Variants in RSPO4 observed in about 807,000 individuals in gnomAD.
The protein encoded by RSPO4 is R-spondin 4, also known as R-spondin-4.
Under a neutral mutation model 24.8 loss-of-function variants are expected in RSPO4, and 23 were observed. The observed-to-expected ratio is 0.93, with a 90% confidence interval of 0.67 to 1.31. The LOEUF (loss-of-function observed/expected upper bound fraction) is 1.31. Among genes scored for constraint, RSPO4 ranks in the 40% most tolerant of loss-of-function variants. RSPO4 has a pLI of 0.00. For synonymous variants in RSPO4, 141 were observed against 127.4 expected (o/e 1.11, Z -0.72); for missense variants, 333 against 316.5 (o/e 1.05, Z -0.39).
chr20:969,911 C>T (rs1374473580), intron 1 of RSPO4, among the ~76,000 whole-genome samples: 7 of 152,142 alleles, frequency 4.6e-5, no homozygotes, highest in Non-Finnish European at 8.8e-5. Flanking sequence ...CACCTTGATT[C>T]ACCTGAGCCC....
chr20:959,962 T>TA lies in RSPO4; in HGVS notation c.*394dup. On this transcript the variant is annotated 3_prime_UTR_variant, in exon 5 of 5. Transcript: ENST00000217260. ...ATGTTTGCTTTCTTTAAGTTGTAGA[T>TA]AGAGAAAGCTGCAGGGGAGGGCACA... The TA allele has an allele frequency of 4.7e-6, 1 of 213,888 alleles. No homozygotes were observed. Among genetic ancestry groups the TA allele is most frequent in the Non-Finnish European group, 9.4e-6 (1 of 106,536 alleles). 13.2% of individuals were successfully genotyped at this position (213,888 alleles called of 1,614,324 possible). A position where few individuals can be genotyped will look rare whatever the true frequency, so the allele number is the denominator to read the frequency against.
intron 1 of RSPO4, among the ~76,000 whole-genome samples, chr20:975,271 T>C (rs1984527090): frequency 6.6e-6 from 1 of 152,138 alleles, no homozygotes. Context: ...CCTGGGTCCT[T>C]CTACACATCT....
chr20:962,347 C>T (rs1984025976), intron 4 of RSPO4, among the ~76,000 whole-genome samples: 1 of 152,224 alleles, frequency 6.6e-6, no homozygotes, highest in African/African-American at 2.4e-5. Context: ...GGGGTTGTTG[C>T]GAGGATTAGA....
At chr20:979,081 C>T (rs1004201132) in intron 1 of RSPO4, among the ~76,000 whole-genome samples, 3 of 152,156 alleles carry the variant, frequency 2.0e-5, no homozygotes. Context: ...CTCTCTCCCT[C>T]ATATCCTACT....
chr20:982,974 G>A (rs756216862), intron 1 of RSPO4, among the ~76,000 whole-genome samples: 4 of 152,186 alleles, frequency 2.6e-5, no homozygotes, highest in Non-Finnish European at 4.4e-5. Flanking sequence ...TGGGGGCAAC[G>A]CCCACCGCTA....
At chr20:969,797 CAGGAA>C (rs1984352047) in intron 1 of RSPO4, among the ~76,000 whole-genome samples, 1 of 151,998 alleles carries the variant, frequency 6.6e-6, no homozygotes, top group South Asian at 2.1e-4. Flanking sequence ...CACTAAGTGA[CAGGAA>C]AGGATAGGGC....
chr20:967,400 G>A, intron 2 of RSPO4, 86 bp from the exon 3 acceptor site: 3 of 1,423,812 alleles, frequency 2.1e-6, no homozygotes, highest in South Asian at 2.3e-5. Context: ...AGGCCCTCTG[G>A]GTAGCTCCAG....
At chr20:995,131 C>T (rs1985234440) in intron 1 of RSPO4, among the ~76,000 whole-genome samples, 1 of 152,242 alleles carries the variant, frequency 6.6e-6, no homozygotes, top group African/African-American at 2.4e-5. Flanking sequence ...AAAGGTCTCA[C>T]TTGGCCTTTT....
intron 1 of RSPO4, among the ~76,000 whole-genome samples, chr20:973,345 C>T (rs1284934349): frequency 1.3e-5 from 2 of 152,068 alleles, no homozygotes; most frequent in Non-Finnish European, 2.9e-5. Flanking sequence ...TGCAGTTTCA[C>T]TGGGGACACT....
At chr20:983,500 G>C (rs1414502869) in intron 1 of RSPO4, among the ~76,000 whole-genome samples, 2 of 152,172 alleles carry the variant, frequency 1.3e-5, no homozygotes, top group African/African-American at 4.8e-5. Context: ...CCTACTTCTA[G>C]AGGCAGCCTC....
chr20:1,001,988 A>C lies in RSPO4; in HGVS notation c.79+98T>G. 4.0e-6 allele frequency: 4 copies of C among 1,000,042 alleles called. 1 individual carries two copies. The highest frequency in any genetic ancestry group is 2.5e-4 in the Middle Eastern group (1 of 3,988). The allele number at this position is 1,000,042 out of a possible 1,614,324, so 61.9% of individuals were successfully genotyped here. A position where few individuals can be genotyped will look rare whatever the true frequency, so the allele number is the denominator to read the frequency against. ...GAGCGAAGGACCCAGGGCGCCAGGC[A>C]CCAGGCAGATGCCCCCAGAGCCGCC... On this transcript the variant is annotated intron_variant, in intron 1 of 4. Coordinates refer to ENST00000217260, the MANE Select transcript of RSPO4 (RefSeq NM_001029871.4).
In RSPO4 at chr20:958,858, AC is replaced by A. The variant is rs922200433; in HGVS notation, c.*1498del. On this transcript the variant is annotated 3_prime_UTR_variant, in exon 5 of 5. Coordinates refer to ENST00000217260, the MANE Select transcript of RSPO4 (RefSeq NM_001029871.4). ...ATTCCTGTCCCAGTCACGGAGCCCT[AC>A]GTGTTCAGGCCAACCAGTCACGGCA... is the stretch of plus-strand genomic sequence containing the variant. The A allele has an allele frequency of 2.0e-5, 3 of 152,218 alleles. No individual in the cohort carries two copies. Among genetic ancestry groups the A allele is most frequent in the African/African-American group, 7.2e-5 (3 of 41,396 alleles). 9.4% of individuals were successfully genotyped at this position (152,218 alleles called of 1,614,324 possible).
rs1038583988 is a variant in RSPO4, at chr20:959,739, C to T, written c.*618G>A. 4.6e-5 allele frequency: 7 copies of T among 152,498 alleles called. No homozygotes were observed. Among genetic ancestry groups the T allele is most frequent in the Non-Finnish European group, 8.8e-5 (6 of 68,316 alleles). The allele number at this position is 152,498 out of a possible 1,614,324, so 9.4% of individuals were successfully genotyped here. A position where few individuals can be genotyped will look rare whatever the true frequency, so the allele number is the denominator to read the frequency against. ...CTGGAGCCTTGTCCAGCCAGCTCCT[C>T]GGGGTGGCTGGTGGCTGAAGGCTGT... On this transcript the variant is annotated 3_prime_UTR_variant, in exon 5 of 5. Coordinates refer to ENST00000217260, the MANE Select transcript of RSPO4 (RefSeq NM_001029871.4).
rs1288193426 is a variant in RSPO4, at chr20:964,118, C to A, written c.412G>T (p.Glu138Ter). The A allele has an allele frequency of 1.2e-6, 2 of 1,609,928 alleles. No homozygotes were observed. Among genetic ancestry groups the A allele is most frequent in the Admixed American group, 3.3e-5 (2 of 59,836 alleles). Residue 138 changes from glutamate to a stop codon, truncating the protein, a stop_gained and splice_region_variant, in exon 4 of 5, where the codon GAG (glutamate) becomes TAG (stop). Transcript: ENST00000217260. LOFTEE classifies it high-confidence loss of function. ...CCGCCCCAGGGACCCAGTTCACACT[C>A]CCCTGTGGGGTGAAAGGAGAGACAG... is the stretch of plus-strand genomic sequence containing the variant. ...AHQNTRECQGECELGPWGGWS... is the reference protein window; with the variant it reads ...AHQNTRECQG
At chr20:996,217 G>A (rs141375865) in intron 1 of RSPO4, among the ~76,000 whole-genome samples, 4,960 of 144,110 alleles carry the variant, frequency 0.034, 282 homozygotes, top group African/African-American at 0.12. Context: ...ATTCCATTCC[G>A]TTCTGTTCCG....
intron 4 of RSPO4, among the ~76,000 whole-genome samples, chr20:961,809 A>C (rs579726): frequency 0.1 from 15,320 of 151,210 alleles, 1,380 homozygotes; most frequent in African/African-American, 0.24. Flanking sequence ...ACCCACCTAC[A>C]CACTCACCCA....
At chr20:985,706 C>T (rs1300609164) in intron 1 of RSPO4, among the ~76,000 whole-genome samples, 1 of 152,238 alleles carries the variant, frequency 6.6e-6, no homozygotes, top group Non-Finnish European at 1.5e-5. Context: ...CCATCCCTGA[C>T]CTGCCCCACT....
At chr20:960,495 C>A in intron 4 of RSPO4, 29 bp from the exon 5 acceptor site, 1 of 1,508,290 alleles carries the variant, frequency 6.6e-7, no homozygotes. Context: ...GCCCGGTGAC[C>A]AAGGCTGCAG....
intron 1 of RSPO4, among the ~76,000 whole-genome samples, chr20:1,000,879 A>G (rs1445980426): frequency 6.6e-6 from 1 of 151,986 alleles, no homozygotes; most frequent in Non-Finnish European, 1.5e-5. Context: ...ACCCCATCCA[A>G]TCCCACCTCC....
Sources: allele counts gnomAD v4.1 joint callset (sites outside exome capture counted in the v4.1 genomes callset), GRCh38; gene constraint gnomAD v4.1.1; transcripts MANE v1.5; gene names NCBI Gene and HGNC (gene_info 2026-07-23, HGNC 2026-07-21).